Variants in ADAM30 observed in about 807,000 individuals in gnomAD.
ADAM30 encodes the protein ADAM metallopeptidase domain 30.
For synonymous variants in ADAM30, 382 were observed against 340.9 expected (o/e 1.12, Z -1.33); for missense variants, 960 against 959.4 (o/e 1.00, Z -0.01).
At position 119,895,701 on chromosome 1, in the gene ADAM30, A is replaced by C. The variant is rs773212860; in HGVS notation, c.636T>G (p.Asp212Glu). Residue 212 changes from aspartate to glutamate, a missense_variant, in exon 1 of 1, where the codon GAT becomes GAG. Coordinates refer to ENST00000369400, the MANE Select transcript of ADAM30 (RefSeq NM_021794.4). Reference protein sequence around the residue: ...PKYLELILLFDQSRYRFVNNN... With the variant: ...PKYLELILLFEQSRYRFVNNN... Reference sequence around the variant, plus strand: ...TGTTCACAAACCTATACCTACTTTGATCAAAGAGTAGGATCAATTCCAAGT... The same window carrying C: ...TGTTCACAAACCTATACCTACTTTGCTCAAAGAGTAGGATCAATTCCAAGT... The C allele has an allele frequency of 6.2e-7, 1 of 1,614,136 alleles. No homozygotes were observed. The highest frequency in any genetic ancestry group is 8.5e-7 in the Non-Finnish European group (1 of 1,180,014).
chr1:119,895,674 GT>G lies in ADAM30; in HGVS notation c.662del (p.Asn221ThrfsTer13). ...CATCATGTATGACTTGAGAAAGATTGTTGTTCACAAACCTATACCTACTTTG... is the reference window on the plus strand; with the variant it reads ...CATCATGTATGACTTGAGAAAGATTGTGTTCACAAACCTATACCTACTTTG... The part of the protein sequence containing the change: ...FDQSRYRFVN[N>X]NLSQVIHDAI... On this transcript the variant is annotated frameshift_variant, in exon 1 of 1. Coordinates refer to ENST00000369400, the MANE Select transcript of ADAM30 (RefSeq NM_021794.4). LOFTEE classifies it low-confidence loss of function (END_TRUNC). The G allele has an allele frequency of 6.2e-7, 1 of 1,614,084 alleles. No individual in the cohort carries two copies. Among genetic ancestry groups the G allele is most frequent in the Non-Finnish European group, 8.5e-7 (1 of 1,180,028 alleles).
In ADAM30 at chr1:119,896,220, G is replaced by A; in HGVS notation, c.117C>T (p.Asp39=). The change falls in exon 1 of 1, where the codon GAC becomes GAT. Residue 39 remains aspartate (D), a synonymous_variant. Coordinates refer to ENST00000369400, the MANE Select transcript of ADAM30 (RefSeq NM_021794.4). ...DVIFHPEGEF[D]SYEVTIPEKL... ...TCTCAGGAATGGTGACTTCATACGA[G>A]TCAAACTCCCCTTCAGGGTGAAAAA... 2 of 1,614,166 alleles carry A rather than the reference G, an allele frequency of 1.2e-6. No homozygotes were observed. Among genetic ancestry groups the A allele is most frequent in the African/African-American group, 1.3e-5 (1 of 75,050 alleles).
At position 119,895,007 on chromosome 1, in the gene ADAM30, A is replaced by C; in HGVS notation, c.1330T>G (p.Cys444Gly). The C allele has an allele frequency of 5.0e-6, 8 of 1,614,214 alleles. No homozygotes were observed. Among genetic ancestry groups the C allele is most frequent in the Non-Finnish European group, 6.8e-6 (8 of 1,180,034 alleles). The change falls in exon 1 of 1, where the codon TGC becomes GGC. Residue 444 changes from cysteine to glycine, a missense_variant. Coordinates refer to ENST00000369400, the MANE Select transcript of ADAM30 (RefSeq NM_021794.4). ...GGACGAAACCGACAATCATGACAGC[A>C]AAGTCCAATGCTACAGTTGGCACCT... ...QPGANCSIGLCCHDCRFRPSG... is the reference protein window; with the variant it reads ...QPGANCSIGLGCHDCRFRPSG...
Position 119,894,533 on chromosome 1 carries a change from C to G in ADAM30, c.1804G>C (p.Asp602His), listed in dbSNP as rs587677642. The part of the protein sequence containing the change: ...HLSMKPMGIP[D>H]LGMINDGTSC... The stretch of plus-strand genomic sequence containing the variant: ...GTGCCATCATTTATCATACCTAGGT[C>G]AGGTATTCCCATGGGTTTCATGGAT... The change falls in exon 1 of 1, where the codon GAC becomes CAC. Residue 602 changes from aspartate to histidine, a missense_variant. Physicochemically the swap from Asp to His is moderately conservative, Grantham distance 81. Coordinates refer to ENST00000369400, the MANE Select transcript of ADAM30 (RefSeq NM_021794.4). The G allele has an allele frequency of 2.5e-6, 4 of 1,613,984 alleles. No homozygotes were observed. The South Asian group carries it at 4.4e-5, about 18-fold the overall frequency.
Position 119,895,958 on chromosome 1 carries a change from T to G in ADAM30, c.379A>C (p.Ser127Arg). 1 of 1,614,156 alleles carries G rather than the reference T, an allele frequency of 6.2e-7. No homozygotes were observed. Among genetic ancestry groups the G allele is most frequent in the African/African-American group, 1.3e-5 (1 of 75,014 alleles). The change falls in exon 1 of 1, where the codon AGC (serine) becomes CGC (arginine). Residue 127 changes from serine to arginine, a missense_variant. Transcript: ENST00000369400. ...KESLDSKATI[S>R]TCMGGLRGVF... Reference sequence around the variant, plus strand: ...CCTCGGAGACCCCCCATGCATGTGCTTATAGTAGCTTTAGAGTCCAGAGAC... The same window carrying G: ...CCTCGGAGACCCCCCATGCATGTGCGTATAGTAGCTTTAGAGTCCAGAGAC...
chr1:119,895,494 T>C lies in ADAM30; in HGVS notation c.843A>G (p.Lys281=). The C allele has an allele frequency of 6.2e-7, 1 of 1,613,860 alleles. No homozygotes were observed. Among genetic ancestry groups the C allele is most frequent in the Non-Finnish European group, 8.5e-7 (1 of 1,179,998 alleles). ...EVLGRFVIYK[K]SVLNARLSSD... ...ATGACAGGCGAGCATTTAATACACT[T>C]TTTTTATATATTACAAATCTGCCTA... The change falls in exon 1 of 1, where the codon AAA becomes AAG. Residue 281 remains lysine (K), a synonymous_variant. Coordinates refer to ENST00000369400, the MANE Select transcript of ADAM30 (RefSeq NM_021794.4).
chr1:119,895,064 G>A lies in ADAM30; in HGVS notation c.1273C>T (p.Arg425Trp), dbSNP rs368258402. 9.9e-6 allele frequency: 16 copies of A among 1,614,006 alleles called. No homozygotes were observed. Among genetic ancestry groups the A allele is most frequent in the East Asian group, 2.2e-5 (1 of 44,898 alleles). Residue 425 changes from arginine to tryptophan, a missense_variant, in exon 1 of 1, where the codon CGG becomes TGG. By Grantham distance (101) the Arg-to-Trp change is moderately radical (BLOSUM62 -3). Transcript: ENST00000369400. The stretch of plus-strand genomic sequence containing the variant: ...AACTTACAATTTGATTGGCAACACC[G>A]ATCTTTCTGACACTCCTCTGTGGAA... ...CGSTEECQKD[R>W]CCQSNCKLQP...
In ADAM30 at chr1:119,896,423, G is replaced by C; in HGVS notation, c.-87C>G. On this transcript the variant is annotated 5_prime_UTR_variant, in exon 1 of 1. Coordinates refer to ENST00000369400, the MANE Select transcript of ADAM30 (RefSeq NM_021794.4). ...CAGATTTCTGGGGGCCGCCGCTAGAGGCGCCTGAGCTCAAAACCCGGCTCC... is the reference window on the plus strand; with the variant it reads ...CAGATTTCTGGGGGCCGCCGCTAGACGCGCCTGAGCTCAAAACCCGGCTCC... The C allele has an allele frequency of 6.9e-7, 1 of 1,440,396 alleles. No homozygotes were observed. The highest frequency in any genetic ancestry group is 1.4e-5 in the African/African-American group (1 of 69,800). The allele number at this position is 1,440,396 out of a possible 1,614,324, so 89.2% of individuals were successfully genotyped here.
Position 119,894,543 on chromosome 1 carries a change from C to T in ADAM30, c.1794G>A (p.Met598Ile). 6.2e-7 allele frequency: 1 copy of T among 1,614,002 alleles called. No individual in the cohort carries two copies. The highest frequency in any genetic ancestry group is 8.5e-7 in the Non-Finnish European group (1 of 1,180,036). ...TTATCATACCTAGGTCAGGTATTCC[C>T]ATGGGTTTCATGGATAGATGATAGC... ...GTGYHLSMKP[M>I]GIPDLGMIND... Residue 598 changes from methionine (M) to isoleucine (I), a missense_variant, in exon 1 of 1, where the codon ATG becomes ATA. By Grantham distance (10) the Met-to-Ile change is conservative. Transcript: ENST00000369400.
rs371062982 is a variant in ADAM30, at chr1:119,895,547, C to G, written c.790G>C (p.Val264Leu). Residue 264 changes from valine (V) to leucine (L), a missense_variant, in exon 1 of 1, where the codon GTT (valine) becomes CTT (leucine). By Grantham distance (32) the Val-to-Leu change is conservative. Coordinates refer to ENST00000369400, the MANE Select transcript of ADAM30 (RefSeq NM_021794.4). The part of the protein sequence containing the change: ...EVWTDFNKIR[V>L]GYPELAEVLG... ...ACTTCAGCTAACTCTGGATATCCAACGCGTATTTTGTTAAAATCTGTCCAT... is the reference window on the plus strand; with the variant it reads ...ACTTCAGCTAACTCTGGATATCCAAGGCGTATTTTGTTAAAATCTGTCCAT... 4 of 1,613,664 alleles carry G rather than the reference C, an allele frequency of 2.5e-6. No homozygotes were observed. In the East Asian group the frequency reaches 8.9e-5, roughly 36 times the overall value.
In ADAM30 at chr1:119,896,198, C is replaced by T. The variant is rs1177223868; in HGVS notation, c.139G>A (p.Glu47Lys). ...ACCTCTCCCCGGAAGCTCAGCTTCT[C>T]AGGAATGGTGACTTCATACGAGTCA... ...EFDSYEVTIP[E>K]KLSFRGEVQG... The change falls in exon 1 of 1, where the codon GAG becomes AAG. Residue 47 changes from glutamate to lysine, a missense_variant. Physicochemically the swap from Glu to Lys is moderately conservative, Grantham distance 56. Transcript: ENST00000369400. 2.5e-6 allele frequency: 4 copies of T among 1,614,178 alleles called. No homozygotes were observed. The highest frequency in any genetic ancestry group is 2.2e-5 in the East Asian group (1 of 44,882).
In ADAM30 at chr1:119,894,563, G is replaced by C; in HGVS notation, c.1774C>G (p.His592Asp). The change falls in exon 1 of 1, where the codon CAT (histidine) becomes GAT (aspartate). Residue 592 changes from histidine to aspartate, a missense_variant. Transcript: ENST00000369400. ...ATTCCCATGGGTTTCATGGATAGAT[G>C]ATAGCCTGTGCCCCAGCACATGAGA... ...ENLMCWGTGY[H>D]LSMKPMGIPD... 6.2e-7 allele frequency: 1 copy of C among 1,614,042 alleles called. No homozygotes were observed. Among genetic ancestry groups the C allele is most frequent in the Non-Finnish European group, 8.5e-7 (1 of 1,180,044 alleles).
In ADAM30 at chr1:119,895,508, C is replaced by CAA. The variant is rs1648555752; in HGVS notation, c.827_828dup (p.Val277LeufsTer2). 1 of 1,613,664 alleles carries CAA rather than the reference C, an allele frequency of 6.2e-7. No homozygotes were observed. The highest frequency in any genetic ancestry group is 1.1e-5 in the South Asian group (1 of 91,074). ...TTTAATACACTTTTTTTATATATTA[C>CAA]AAATCTGCCTAAAACTTCAGCTAAC... On this transcript the variant is annotated frameshift_variant, in exon 1 of 1. Coordinates refer to ENST00000369400, the MANE Select transcript of ADAM30 (RefSeq NM_021794.4). LOFTEE classifies it low-confidence loss of function (END_TRUNC).
In ADAM30 at chr1:119,896,417, G is replaced by T. The variant is rs1341755756; in HGVS notation, c.-81C>A. ...GCGAGTCAGATTTCTGGGGGCCGCC[G>T]CTAGAGGCGCCTGAGCTCAAAACCC... On this transcript the variant is annotated 5_prime_UTR_variant, in exon 1 of 1. Transcript: ENST00000369400. The T allele has an allele frequency of 6.9e-7, 1 of 1,440,252 alleles. No individual in the cohort carries two copies. The highest frequency in any genetic ancestry group is 2.5e-5 in the East Asian group (1 of 40,032). 89.2% of individuals were successfully genotyped at this position (1,440,252 alleles called of 1,614,324 possible).
At position 119,896,486 on chromosome 1, in the gene ADAM30, G is replaced by T; in HGVS notation, c.-150C>A. On this transcript the variant is annotated 5_prime_UTR_variant, in exon 1 of 1. Coordinates refer to ENST00000369400, the MANE Select transcript of ADAM30 (RefSeq NM_021794.4). ...TCCGGGGGAGCCCGTAGCCTCCCAG[G>T]GCTCGGTCTAGCTGGCGTCCGCAAT... 1 of 1,306,318 alleles carries T rather than the reference G, an allele frequency of 7.7e-7. No individual in the cohort carries two copies. The highest frequency in any genetic ancestry group is 1.0e-6 in the Non-Finnish European group (1 of 995,128). The allele number at this position is 1,306,318 out of a possible 1,614,324, so 80.9% of individuals were successfully genotyped here. A position where few individuals can be genotyped will look rare whatever the true frequency, so the allele number is the denominator to read the frequency against.
chr1:119,894,477 T>C lies in ADAM30; in HGVS notation c.1860A>G (p.Lys620=). The C allele has an allele frequency of 6.8e-6, 11 of 1,614,218 alleles. No homozygotes were observed. The highest frequency in any genetic ancestry group is 8.5e-6 in the Non-Finnish European group (10 of 1,180,046). ...GGACTGAGCTATTGACGCAATTTTT[T>C]TTAAAACATACCCGGCCTTCTCCAC... ...TSCGEGRVCF[K]KNCVNSSVLQ... Residue 620 remains lysine (K), a synonymous_variant, in exon 1 of 1, where the codon AAA becomes AAG. Transcript: ENST00000369400.
Position 119,894,503 on chromosome 1 carries a change from A to G in ADAM30, c.1834T>C (p.Cys612Arg). Reference sequence around the variant, plus strand: ...TTAAAACATACCCGGCCTTCTCCACAGGAGGTGCCATCATTTATCATACCT... The same window carrying G: ...TTAAAACATACCCGGCCTTCTCCACGGGAGGTGCCATCATTTATCATACCT... ...DLGMINDGTS[C>R]GEGRVCFKKN... The change falls in exon 1 of 1, where the codon TGT (cysteine) becomes CGT (arginine). Residue 612 changes from cysteine (C) to arginine (R), a missense_variant. By Grantham distance (180) the Cys-to-Arg change is radical (BLOSUM62 -3). Transcript: ENST00000369400. 1 of 1,614,066 alleles carries G rather than the reference A, an allele frequency of 6.2e-7. No homozygotes were observed. Among genetic ancestry groups the G allele is most frequent in the Non-Finnish European group, 8.5e-7 (1 of 1,180,036 alleles).
chr1:119,895,926 A>T lies in ADAM30; in HGVS notation c.411T>A (p.Phe137Leu). The change falls in exon 1 of 1, where the codon TTT becomes TTA. Residue 137 changes from phenylalanine to leucine, a missense_variant. Transcript: ENST00000369400. ...STCMGGLRGVFNIDAKHYQIE... is the reference protein window; with the variant it reads ...STCMGGLRGVLNIDAKHYQIE... ...TTTGGTAATGTTTGGCATCAATGTT[A>T]AATACACCTCGGAGACCCCCCATGC... 6.2e-7 allele frequency: 1 copy of T among 1,614,160 alleles called. No individual in the cohort carries two copies. The highest frequency in any genetic ancestry group is 2.2e-5 in the East Asian group (1 of 44,878).
In ADAM30 at chr1:119,894,994, C is replaced by T; in HGVS notation, c.1343G>A (p.Cys448Tyr). Residue 448 changes from cysteine (C) to tyrosine (Y), a missense_variant, in exon 1 of 1, where the codon TGT becomes TAT. Transcript: ENST00000369400. ...NCSIGLCCHD[C>Y]RFRPSGYVCR... ...CACGTATCCAGATGGACGAAACCGA[C>T]AATCATGACAGCAAAGTCCAATGCT... 1 of 1,614,218 alleles carries T rather than the reference C, an allele frequency of 6.2e-7. No individual in the cohort carries two copies. Among genetic ancestry groups the T allele is most frequent in the Non-Finnish European group, 8.5e-7 (1 of 1,180,034 alleles).
Sources: gnomAD v4.1 joint callset for allele counts on GRCh38, gnomAD v4.1.1 for gene constraint, MANE v1.5 for transcripts, NCBI Gene and HGNC (gene_info 2026-07-23, HGNC 2026-07-21) for gene names.